The following DGKI variants were observed in gnomAD, a reference collection of about 807,000 sequenced individuals.
DGKI encodes DAG kinase iota.
Under a neutral mutation model 147.5 loss-of-function variants are expected in DGKI, and 55 were observed. The observed-to-expected ratio is 0.37, with a 90% CI of 0.30 to 0.47. DGKI has a LOEUF of 0.47. Ranked by LOEUF, DGKI falls within the 20% of genes least tolerant of loss-of-function variation. The probability of loss-of-function intolerance (pLI) is 1.00; values close to 1 mark genes in which losing one functional copy is unlikely to be tolerated. For missense variants in DGKI, 1,007 were observed against 1,323.8 expected, an observed-to-expected ratio of 0.76 and a Z score of 3.71; for synonymous variants, 469 against 477.1, an observed-to-expected ratio of 0.98 and a Z score of 0.22.
intron 1 of DGKI, chr7:137,771,514 T>G (rs770880397): frequency 6.6e-6 from 1 of 152,232 alleles, no homozygotes; most frequent in African/African-American, 2.4e-5. Flanking sequence ...AAATTAAGTA[T>G]GCCAGAAAGC....
At chr7:137,840,514 G>C (rs1200480293) in intron 1 of DGKI, among the ~76,000 whole-genome samples, 7 of 152,222 alleles carry the variant, frequency 4.6e-5, no homozygotes, top group Admixed American at 2.6e-4. Flanking sequence ...AAGAGAACCG[G>C]AGAGCTAATT....
intron 3 of DGKI, among the ~76,000 whole-genome samples, chr7:137,660,675 A>G (rs1375675536): frequency 1.3e-5 from 2 of 152,232 alleles, no homozygotes; most frequent in African/African-American, 4.8e-5. Context: ...TCCCTGATCT[A>G]TATGTACCAA....
intron 23 of DGKI, among the ~76,000 whole-genome samples, chr7:137,482,463 T>C (rs968024280): frequency 3.9e-5 from 6 of 151,926 alleles, no homozygotes; most frequent in African/African-American, 1.4e-4. Flanking sequence ...ATTCATCCAT[T>C]TGCTGATGAC....
intron 8 of DGKI, among the ~76,000 whole-genome samples, chr7:137,615,142 C>A (rs903428951): frequency 6.6e-6 from 1 of 152,146 alleles, no homozygotes; most frequent in East Asian, 1.9e-4. Context: ...CTGACCATGG[C>A]TGATTCAACC....
intron 20 of DGKI, among the ~76,000 whole-genome samples, chr7:137,537,954 A>T (rs949305157): frequency 2.0e-5 from 3 of 152,212 alleles, no homozygotes; most frequent in Admixed American, 2.0e-4. Context: ...ACACAAATCA[A>T]GTCTTATTTT....
chr7:137,771,063 T>A (rs1237023203), intron 1 of DGKI, among the ~76,000 whole-genome samples: 1 of 152,268 alleles, frequency 6.6e-6, no homozygotes, highest in East Asian at 1.9e-4. Flanking sequence ...ACGTTTTATC[T>A]TTGCAATTAT....
At chr7:137,788,915 T>C (rs539344974) in intron 1 of DGKI, among the ~76,000 whole-genome samples, 24 of 152,186 alleles carry the variant, frequency 1.6e-4, no homozygotes, top group African/African-American at 5.5e-4. Flanking sequence ...TTCAACAGAA[T>C]CCCTTTTTTC....
intron 5 of DGKI, among the ~76,000 whole-genome samples, chr7:137,648,107 A>T (rs1821893467): frequency 6.6e-6 from 1 of 152,236 alleles, no homozygotes; most frequent in Admixed American, 6.5e-5. Flanking sequence ...TAGTAGAAAT[A>T]TTGAATATAT....
intron 2 of DGKI, among the ~76,000 whole-genome samples, chr7:137,681,641 G>A (rs1823238844): frequency 6.6e-6 from 1 of 152,222 alleles, no homozygotes; most frequent in Admixed American, 6.5e-5. Context: ...CAGAGAAGAT[G>A]GAACTAGATG....
chr7:137,384,648 T>C lies in DGKI; in HGVS notation c.*6572A>G, dbSNP rs1811133900. On this transcript the variant is annotated 3_prime_UTR_variant, in exon 33 of 33. Coordinates refer to ENST00000614521, the MANE Select transcript of DGKI (RefSeq NM_001321708.2). ...CATTATTCACCTCGTTGGGGTTGTT[T>C]TGAACCCCAACTGAAGCTCAAACAT... 2.0e-5 allele frequency: 3 copies of C among 152,030 alleles called. No homozygotes were observed. Among genetic ancestry groups the C allele is most frequent in the Admixed American group, 6.6e-5 (1 of 15,232 alleles). The allele number at this position is 152,030 out of a possible 1,614,324, so 9.4% of individuals were successfully genotyped here.
chr7:137,718,124 T>G (rs781375831), intron 1 of DGKI, among the ~76,000 whole-genome samples: 1 of 151,928 alleles, frequency 6.6e-6, no homozygotes, highest in African/African-American at 2.4e-5. Context: ...ACCAGCCGGG[T>G]GGGCTGGATG....
At chr7:137,617,499 G>A (rs1215412454) in intron 8 of DGKI, among the ~76,000 whole-genome samples, 1 of 152,032 alleles carries the variant, frequency 6.6e-6, no homozygotes, top group Non-Finnish European at 1.5e-5. Context: ...TTTTTTTAAT[G>A]CTATCTTTTA....
chr7:137,571,392 AG>A (rs1818789014), intron 18 of DGKI, 106 bp from the exon 19 acceptor site: 1 of 755,038 alleles, frequency 1.3e-6, no homozygotes, highest in Non-Finnish European at 2.2e-6. Flanking sequence ...ACATAAAAAC[AG>A]TTTTCCATTC....
intron 7 of DGKI, 64 bp from the exon 8 acceptor site, chr7:137,620,004 T>C (rs1400623816): frequency 3.8e-6 from 4 of 1,041,256 alleles, no homozygotes; most frequent in Non-Finnish European, 5.9e-6. Context: ...CAAGAAGGGA[T>C]AAATATGTAC....
intron 6 of DGKI, among the ~76,000 whole-genome samples, chr7:137,639,881 C>T (rs542371764): frequency 6.6e-6 from 1 of 152,108 alleles, no homozygotes; most frequent in Non-Finnish European, 1.5e-5. Flanking sequence ...AAAAACTGTA[C>T]ATACTTCATG....
chr7:137,420,489 AAC>A (rs1812523336), intron 28 of DGKI, among the ~76,000 whole-genome samples: 1 of 152,132 alleles, frequency 6.6e-6, no homozygotes, highest in Non-Finnish European at 1.5e-5. Flanking sequence ...GGGTATAATC[AAC>A]AGTCTTTTTA....
chr7:137,570,224 CA>C (rs1389023869), intron 19 of DGKI, among the ~76,000 whole-genome samples: 2 of 152,128 alleles, frequency 1.3e-5, no homozygotes, highest in African/African-American at 4.8e-5. Flanking sequence ...CTGATTTACA[CA>C]AGAAATGATA....
At chr7:137,570,231 T>C (rs1360668504) in intron 19 of DGKI, among the ~76,000 whole-genome samples, 1 of 152,298 alleles carries the variant, frequency 6.6e-6, no homozygotes, top group African/African-American at 2.4e-5. Context: ...ACACAAGAAA[T>C]GATAAGCATA....
chr7:137,627,201 T>G (rs567538499), intron 6 of DGKI, among the ~76,000 whole-genome samples: 12 of 152,208 alleles, frequency 7.9e-5, no homozygotes, highest in Non-Finnish European at 1.6e-4. Context: ...TACAAGAGTC[T>G]TCCAAAATAA....
Sources: allele counts gnomAD v4.1 joint callset (sites outside exome capture counted in the v4.1 genomes callset), GRCh38; gene constraint gnomAD v4.1.1; transcripts MANE v1.5; gene names NCBI Gene and HGNC (gene_info 2026-07-23, HGNC 2026-07-21).